The following ANKRD17 variants were observed in gnomAD, a reference collection of about 807,000 sequenced individuals.
ANKRD17 encodes the protein ankyrin repeat domain-containing protein 17.
ANKRD17 carries 19 observed loss-of-function variants against 229.7 expected under a neutral mutation model. The ratio of observed to expected loss-of-function variants is 0.08; its 90% CI spans 0.06 to 0.12. The LOEUF (loss-of-function observed/expected upper bound fraction) is 0.12. Ranked by LOEUF, ANKRD17 falls within the 10% of genes least tolerant of loss-of-function variation. The probability of loss-of-function intolerance (pLI) is 1.00; values close to 1 mark genes in which losing one functional copy is unlikely to be tolerated. For missense variants in ANKRD17, 2,176 were observed against 3,176.8 expected, an observed-to-expected ratio of 0.68 and a Z score of 7.57; for synonymous variants, 1,112 against 1,146.1, an observed-to-expected ratio of 0.97 and a Z score of 0.60.
At chr4:73,148,392 A>G (rs1730566851) in intron 8 of ANKRD17, among the ~76,000 whole-genome samples, 1 of 152,176 alleles carries the variant, frequency 6.6e-6, no homozygotes, top group Admixed American at 6.5e-5. Flanking sequence ...GCATTCTTGC[A>G]CTCTCAGCAA....
chr4:73,156,231 A>G lies in ANKRD17; in HGVS notation c.705-65T>C, dbSNP rs1560613320. 4 of 1,486,784 alleles carry G rather than the reference A, an allele frequency of 2.7e-6. No individual in the cohort carries two copies. In the African/African-American group the frequency reaches 4.3e-5, roughly 16 times the overall value. 92.1% of individuals were successfully genotyped at this position (1,486,784 alleles called of 1,614,324 possible). On this transcript the variant is annotated intron_variant, in intron 3 of 33. Transcript: ENST00000358602. The stretch of plus-strand genomic sequence containing the variant: ...TATTAAAAAATTGCACAGCATAAAT[A>G]TTGTTTTTGATTGTTTTGTTTTTTG...
chr4:73,078,984 A>G, intron 30 of ANKRD17, 94 bp from the exon 31 acceptor site: 1 of 1,360,948 alleles, frequency 7.3e-7, no homozygotes, highest in Non-Finnish European at 9.9e-7. Context: ...TGTTTTAAAT[A>G]TATATTCTCA....
chr4:73,185,116 G>A (rs546829028), intron 1 of ANKRD17, among the ~76,000 whole-genome samples: 20 of 151,742 alleles, frequency 1.3e-4, no homozygotes, highest in Admixed American at 2.6e-4. Context: ...GCTGGCAACC[G>A]CAAAATTTAG....
intron 1 of ANKRD17, chr4:73,222,913 G>A (rs946798397): frequency 1.7e-5 from 22 of 1,302,650 alleles, no homozygotes; most frequent in Admixed American, 4.0e-5. Context: ...AAATAATTCC[G>A]GCAGATAAGA....
chr4:73,183,004 GA>G (rs1464044903), intron 1 of ANKRD17, among the ~76,000 whole-genome samples: 2 of 152,254 alleles, frequency 1.3e-5, no homozygotes. Flanking sequence ...TCATGAAGGA[GA>G]AAGAGGTTGA....
At chr4:73,150,673 C>T (rs1416124571) in intron 7 of ANKRD17, among the ~76,000 whole-genome samples, 2 of 152,138 alleles carry the variant, frequency 1.3e-5, no homozygotes, top group Admixed American at 6.5e-5. Context: ...TCAATAATTA[C>T]TCTCTGAAGG....
At chr4:73,103,827 G>GTTTTT (rs148621021) in intron 24 of ANKRD17, among the ~76,000 whole-genome samples, 2 of 148,804 alleles carry the variant, frequency 1.3e-5, no homozygotes, top group Non-Finnish European at 1.5e-5. Flanking sequence ...AACCCTCTCC[G>GTTTTT]GTTTTTTTTT....
In ANKRD17 at chr4:73,124,923, C is replaced by G. The variant is rs750855364; in HGVS notation, c.3482G>C (p.Gly1161Ala). 6.2e-7 allele frequency: 1 copy of G among 1,614,034 alleles called. No homozygotes were observed. The highest frequency in any genetic ancestry group is 2.2e-5 in the East Asian group (1 of 44,880). The change falls in exon 18 of 34, where the codon GGA (glycine) becomes GCA (alanine). Residue 1161 changes from glycine to alanine, a missense_variant. Physicochemically the swap from Gly to Ala is moderately conservative, Grantham distance 60 (BLOSUM62 0). This residue lies in a region of ANKRD17 where 178 missense variants were observed against 421.7 expected (regional missense o/e 0.42). Transcript: ENST00000358602. Reference sequence around the variant, plus strand: ...AAGGGGAAACATTACCTCCTGTCTTCCCCCAGAACAAGCCAAGGAGAGTGG... The same window carrying G: ...AAGGGGAAACATTACCTCCTGTCTTGCCCCAGAACAAGCCAAGGAGAGTGG... ...DTPLSLACSGGRQEVVELLLA... is the reference protein window; with the variant it reads ...DTPLSLACSGARQEVVELLLA...
intron 2 of ANKRD17, among the ~76,000 whole-genome samples, chr4:73,176,146 T>C (rs188826397): frequency 1.1e-4 from 17 of 152,140 alleles, no homozygotes; most frequent in Admixed American, 1.1e-3. Context: ...GGGTCAAAGA[T>C]TTGAACAGCA....
intron 1 of ANKRD17, among the ~76,000 whole-genome samples, chr4:73,181,160 A>G (rs1405295535): frequency 6.6e-6 from 1 of 152,216 alleles, no homozygotes; most frequent in African/African-American, 2.4e-5. Flanking sequence ...TAGATCTTAG[A>G]GGAGATACAG....
intron 1 of ANKRD17, among the ~76,000 whole-genome samples, chr4:73,193,928 T>C (rs1737485796): frequency 6.6e-6 from 1 of 152,162 alleles, no homozygotes; most frequent in Admixed American, 6.5e-5. Context: ...TGAAACCTTG[T>C]CTCAAAAACA....
chr4:73,176,432 A>G (rs1397907275), intron 2 of ANKRD17, among the ~76,000 whole-genome samples: 1 of 152,150 alleles, frequency 6.6e-6, no homozygotes, highest in Non-Finnish European at 1.5e-5. Flanking sequence ...CACATGACCC[A>G]GCAATCCCAC....
chr4:73,087,106 T>C, intron 29 of ANKRD17, among the ~76,000 whole-genome samples: 1 of 149,868 alleles, frequency 6.7e-6, no homozygotes, highest in Non-Finnish European at 1.5e-5. Context: ...GAACAATTTA[T>C]CATTTTTTCT....
chr4:73,179,518 A>ACTTT (rs1735246558), intron 1 of ANKRD17, among the ~76,000 whole-genome samples: 1 of 40,804 alleles, frequency 2.5e-5, no homozygotes, highest in Admixed American at 3.6e-4. Context: ...ATATATATAT[A>ACTTT]TTTTTTTTTT....
chr4:73,146,102 T>C (rs1016115068), intron 10 of ANKRD17, among the ~76,000 whole-genome samples: 1 of 152,106 alleles, frequency 6.6e-6, no homozygotes, highest in Non-Finnish European at 1.5e-5. Context: ...AGTTGCTTCA[T>C]GCTTTCTTAC....
intron 1 of ANKRD17, among the ~76,000 whole-genome samples, chr4:73,199,133 T>C (rs771890536): frequency 1.3e-5 from 2 of 152,088 alleles, no homozygotes; most frequent in Non-Finnish European, 2.9e-5. Flanking sequence ...GTTACTGTTA[T>C]AAAAGTCATC....
chr4:73,145,914 T>C (rs1057154633), intron 10 of ANKRD17, among the ~76,000 whole-genome samples: 1 of 152,172 alleles, frequency 6.6e-6, no homozygotes, highest in Admixed American at 6.5e-5. Flanking sequence ...GGCTTGTTGC[T>C]GCCTGCACAT....
intron 1 of ANKRD17, among the ~76,000 whole-genome samples, chr4:73,225,168 C>A (rs569501695): frequency 3.9e-4 from 60 of 152,266 alleles, no homozygotes; most frequent in African/African-American, 1.4e-3. Flanking sequence ...TCAATTCTTT[C>A]TATGCTTCAA....
chr4:73,240,571 G>A (rs1427083778), intron 1 of ANKRD17, among the ~76,000 whole-genome samples: 1 of 152,036 alleles, frequency 6.6e-6, no homozygotes. Flanking sequence ...GCGGCAGTGA[G>A]CTATGATCAT....
Sources: gnomAD v4.1 joint callset for allele counts (sites outside exome capture counted in the v4.1 genomes callset) on GRCh38, gnomAD v4.1.1 for gene constraint, gnomAD v4.1.1 regional missense constraint, MANE v1.5 for transcripts, NCBI Gene and HGNC (gene_info 2026-07-23, HGNC 2026-07-21) for gene names.